GUCY1B1: variants seen among roughly 807,000 people sequenced by gnomAD.
The protein encoded by GUCY1B1 is guanylate cyclase 1 soluble subunit beta 1.
In GUCY1B1, 43 loss-of-function variants were observed where a neutral mutation model predicts 71.0. That is an observed-to-expected ratio of 0.61 (90% CI 0.47 to 0.78). The LOEUF is 0.78. Ranked by LOEUF, GUCY1B1 falls within the 30% of genes least tolerant of loss-of-function variation. The pLI is 0.00. For synonymous variants in GUCY1B1, 266 were observed against 259.7 expected (o/e 1.02, Z -0.23); for missense variants, 535 against 754.1 (o/e 0.71, Z 3.40).
Position 155,759,867 on chromosome 4 carries a change from G to A in GUCY1B1, c.77+7G>A. ...AGGTGTGGGAAGACATCAAGTAAGT[G>A]GCCGGCTACCCTGGCTGTGGCCCAG... On this transcript the variant is annotated splice_region_variant and intron_variant, in intron 2 of 13. Coordinates refer to ENST00000264424, the MANE Select transcript of GUCY1B1 (RefSeq NM_000857.5). The A allele has an allele frequency of 6.2e-7, 1 of 1,607,858 alleles. No homozygotes were observed. Among genetic ancestry groups the A allele is most frequent in the South Asian group, 1.1e-5 (1 of 90,870 alleles).
At chr4:155,798,078 A>G (rs1368503890) in intron 8 of GUCY1B1, among the ~76,000 whole-genome samples, 1 of 152,180 alleles carries the variant, frequency 6.6e-6, no homozygotes, top group East Asian at 1.9e-4. Flanking sequence ...TTCTTCAGAA[A>G]TAAAAGCAGA....
At chr4:155,759,955 G>T in intron 2 of GUCY1B1, 95 bp downstream of exon 2, 7 of 876,544 alleles carry the variant, frequency 8.0e-6, no homozygotes, top group South Asian at 4.5e-5. Context: ...TGGCCGGGTC[G>T]CGGGCGCGCA....
In GUCY1B1 at chr4:155,806,483, C is replaced by T; in HGVS notation, c.*74C>T. On this transcript the variant is annotated 3_prime_UTR_variant, in exon 14 of 14. Coordinates refer to ENST00000264424, the MANE Select transcript of GUCY1B1 (RefSeq NM_000857.5). The stretch of plus-strand genomic sequence containing the variant: ...TCCTAACACGTGCCAAGCCCAGGAG[C>T]AGTTCTTCCCTATGGATACAGATTT... The T allele has an allele frequency of 1.0e-6, 1 of 963,636 alleles. No individual in the cohort carries two copies. Among genetic ancestry groups the T allele is most frequent in the Non-Finnish European group, 1.7e-6 (1 of 596,656 alleles). 59.7% of individuals were successfully genotyped at this position (963,636 alleles called of 1,614,324 possible).
In GUCY1B1 at chr4:155,799,976, T is replaced by C. The variant is rs1411472065; in HGVS notation, c.1077T>C (p.Phe359=). Residue 359 remains phenylalanine, a synonymous_variant, in exon 9 of 14, where the codon TTT becomes TTC. Transcript: ENST00000264424. Reference sequence around the variant, plus strand: ...ATCTTGTTCTTTTGGGAGAACAATTTAGAGAGGAATACAAACTCACCCAAG... The same window carrying C: ...ATCTTGTTCTTTTGGGAGAACAATTCAGAGAGGAATACAAACTCACCCAAG... ...TRDLVLLGEQ[F]REEYKLTQEL... 1.9e-6 allele frequency: 3 copies of C among 1,613,316 alleles called. No individual in the cohort carries two copies. The highest frequency in any genetic ancestry group is 2.7e-5 in the African/African-American group (2 of 74,902).
intron 5 of GUCY1B1, among the ~76,000 whole-genome samples, chr4:155,792,879 A>G (rs1739274866): frequency 6.6e-6 from 1 of 152,140 alleles, no homozygotes; most frequent in South Asian, 2.1e-4. Flanking sequence ...TTTACATTAT[A>G]GATATTAGCT....
Position 155,802,273 on chromosome 4 carries a change from G to A in GUCY1B1, c.1176-69G>A, listed in dbSNP as rs773850379. The A allele has an allele frequency of 1.3e-6, 2 of 1,594,546 alleles. No individual in the cohort carries two copies. The highest frequency in any genetic ancestry group is 2.3e-5 in the East Asian group (1 of 44,322). Reference sequence around the variant, plus strand: ...AAACGACACTGATGCTGTGTGAAAAGGACAGCAGAAGCACTAAAGGCTTTC... The same window carrying A: ...AAACGACACTGATGCTGTGTGAAAAAGACAGCAGAAGCACTAAAGGCTTTC... On this transcript the variant is annotated intron_variant, in intron 9 of 13. Transcript: ENST00000264424. The surrounding 1 kb of genome is among the most constrained non-coding windows in gnomAD (Gnocchi z 4.3).
intron 2 of GUCY1B1, among the ~76,000 whole-genome samples, chr4:155,765,163 C>T (rs1476076838): frequency 6.6e-6 from 1 of 152,136 alleles, no homozygotes; most frequent in Non-Finnish European, 1.5e-5. Flanking sequence ...TTTTGGCAAA[C>T]ATTTACTAAG....
Position 155,800,080 on chromosome 4 carries a change from A to G in GUCY1B1, c.1175+6A>G. On this transcript the variant is annotated splice_donor_region_variant and intron_variant, in intron 9 of 13. Transcript: ENST00000264424. ...GAAAAGAAAAAGACAGACACGTAAG[A>G]ATGTAACGCTTGGAGCACTACTGTT... The G allele has an allele frequency of 6.3e-7, 1 of 1,592,344 alleles. No homozygotes were observed. The highest frequency in any genetic ancestry group is 8.6e-7 in the Non-Finnish European group (1 of 1,162,752).
intron 2 of GUCY1B1, among the ~76,000 whole-genome samples, chr4:155,770,369 C>G (rs1737617613): frequency 6.6e-6 from 1 of 152,130 alleles, no homozygotes; most frequent in African/African-American, 2.4e-5. Context: ...ATTATCACAT[C>G]TCTGTGCTTT....
chr4:155,775,355 C>T (rs1250785394), intron 3 of GUCY1B1, among the ~76,000 whole-genome samples: 3 of 152,126 alleles, frequency 2.0e-5, no homozygotes, highest in Admixed American at 2.0e-4. Flanking sequence ...AGTAGTGGCC[C>T]AACTCCGGCT....
intron 8 of GUCY1B1, 54 bp downstream of exon 8, chr4:155,796,564 A>G (rs1325573248): frequency 5.9e-6 from 7 of 1,179,428 alleles, no homozygotes; most frequent in Non-Finnish European, 8.5e-6. Flanking sequence ...TTTAGCTAAC[A>G]AAGGAATGCC....
At chr4:155,763,099 T>C (rs1486522544) in intron 2 of GUCY1B1, among the ~76,000 whole-genome samples, 4 of 152,214 alleles carry the variant, frequency 2.6e-5, no homozygotes, top group Non-Finnish European at 5.9e-5. Flanking sequence ...AAATACTTGA[T>C]TTCCCATCTC....
chr4:155,779,851 A>T (rs1579214476), intron 4 of GUCY1B1, among the ~76,000 whole-genome samples: 1 of 152,132 alleles, frequency 6.6e-6, no homozygotes, highest in South Asian at 2.1e-4. Flanking sequence ...GGTGACTTCA[A>T]CTCTTCACTA....
chr4:155,768,383 T>C lies in GUCY1B1; in HGVS notation c.78-6585T>C, dbSNP rs148302728. Among the ~76,000 whole-genome samples the C allele has an allele frequency of 9.2e-5, 14 of 151,398 alleles. No homozygotes were observed. The East Asian group carries it at 2.7e-3, about 29-fold the overall frequency. On this transcript the variant is annotated intron_variant, in intron 2 of 13. Coordinates refer to ENST00000264424, the MANE Select transcript of GUCY1B1 (RefSeq NM_000857.5). ...AAATTGTATACCTAGTTTTAAAAAA[T>C]AAATAATAAAAAATATTCTTTAGTT...
chr4:155,769,112 C>A (rs1737534878), intron 2 of GUCY1B1, among the ~76,000 whole-genome samples: 1 of 152,102 alleles, frequency 6.6e-6, no homozygotes, highest in Non-Finnish European at 1.5e-5. Flanking sequence ...AAGTATCAGG[C>A]ATTAAGTGTG....
chr4:155,803,691 G>A lies in GUCY1B1; in HGVS notation c.1481G>A (p.Arg494Gln), dbSNP rs201269769. 4.6e-4 allele frequency: 737 copies of A among 1,603,784 alleles called. 5 individuals carry two copies. The highest frequency in any genetic ancestry group is 1.9e-4 in the Admixed American group (11 of 58,792). The change falls in exon 11 of 14, where the codon CGA becomes CAA. Residue 494 changes from arginine to glutamine, a missense_variant. Transcript: ENST00000264424. ...CCAGAGCCATGCATTCACCATGCACGATCCATCTGCCACCTGGCCTTGGAC... is the reference window on the plus strand; with the variant it reads ...CCAGAGCCATGCATTCACCATGCACAATCCATCTGCCACCTGGCCTTGGAC... ...GLPEPCIHHA[R>Q]SICHLALDMM...
intron 9 of GUCY1B1, 68 bp downstream of exon 9, chr4:155,800,142 T>G: frequency 9.3e-7 from 1 of 1,074,688 alleles, no homozygotes; most frequent in Non-Finnish European, 1.3e-6. Context: ...TATTTAAGTT[T>G]GAGAACCAGA....
intron 4 of GUCY1B1, among the ~76,000 whole-genome samples, chr4:155,787,057 G>A (rs1024713929): frequency 7.3e-5 from 11 of 151,450 alleles, no homozygotes; most frequent in African/African-American, 2.4e-4. Context: ...TTTCTCACCC[G>A]ATTTTCTTTC....
intron 3 of GUCY1B1, among the ~76,000 whole-genome samples, chr4:155,776,268 C>A (rs981362838): frequency 3.9e-5 from 6 of 152,010 alleles, no homozygotes; most frequent in African/African-American, 1.5e-4. Context: ...TATTAGATCT[C>A]TTTCCATTAA....
Sources: gnomAD v4.1 joint callset for allele counts (sites outside exome capture counted in the v4.1 genomes callset) on GRCh38, gnomAD v4.1.1 for gene constraint, Gnocchi (gnomAD v3.1) non-coding constraint, MANE v1.5 for transcripts, NCBI Gene and HGNC (gene_info 2026-07-23, HGNC 2026-07-21) for gene names.